The following KIF26B variants were observed in gnomAD, a reference collection of about 807,000 sequenced individuals.
KIF26B encodes the protein kinesin-like protein KIF26B.
In KIF26B, 63 loss-of-function variants were observed where a neutral mutation model predicts 151.2. That is an observed-to-expected ratio of 0.42 (90% CI 0.34 to 0.51). The LOEUF (loss-of-function observed/expected upper bound fraction) is 0.51. Ranked by LOEUF, KIF26B falls within the 20% of genes least tolerant of loss-of-function variation. The pLI, the probability that KIF26B is intolerant of heterozygous loss-of-function variation, is 0.07. For missense variants in KIF26B, 2,813 were observed against 2,913.6 expected (o/e 0.97, Z 0.79); for synonymous variants, 1,357 against 1,262.1 (o/e 1.08, Z -1.59).
intron 2 of KIF26B, among the ~76,000 whole-genome samples, chr1:245,207,732 G>C (rs978130715): frequency 6.6e-6 from 1 of 152,238 alleles, no homozygotes. Context: ...TAAGTTGGTA[G>C]TTTCCACTTT....
intron 9 of KIF26B, among the ~76,000 whole-genome samples, chr1:245,632,947 A>G (rs1367658288): frequency 6.6e-6 from 1 of 152,146 alleles, no homozygotes; most frequent in Admixed American, 6.5e-5. Context: ...TGGAGGCCTC[A>G]ACTATTACTG....
chr1:245,205,848 A>ACACCCC (rs71715356), intron 2 of KIF26B, among the ~76,000 whole-genome samples: 1 of 66,130 alleles, frequency 1.5e-5, no homozygotes, highest in Non-Finnish European at 3.2e-5. Flanking sequence ...ACCCCCACCC[A>ACACCCC]CACCCCCACC....
chr1:245,218,730 G>C lies in KIF26B; in HGVS notation c.465+62047G>C, dbSNP rs139377554. Among the ~76,000 whole-genome samples the C allele has an allele frequency of 1.2e-3, 178 of 152,230 alleles. No individual in the cohort carries two copies. The highest frequency in any genetic ancestry group is 4.1e-3 in the African/African-American group (172 of 41,512). The stretch of plus-strand genomic sequence containing the variant: ...AGAATTTTAATAAGCAAATATACAT[G>C]GTACCTTGCCGTAGGGGGGCTTTAT... On this transcript the variant is annotated intron_variant, in intron 2 of 14. Coordinates refer to ENST00000407071, the MANE Select transcript of KIF26B (RefSeq NM_018012.4). The surrounding 1 kb of genome is among the most constrained non-coding windows in gnomAD (Gnocchi z 4.1).
chr1:245,202,132 A>G (rs1237245627), intron 2 of KIF26B, among the ~76,000 whole-genome samples: 2 of 152,192 alleles, frequency 1.3e-5, no homozygotes, highest in African/African-American at 4.8e-5. Context: ...TCTCCCTGCA[A>G]GCCCTTTCAT....
intron 10 of KIF26B, among the ~76,000 whole-genome samples, chr1:245,678,937 G>A (rs2147947337): frequency 6.6e-6 from 1 of 152,182 alleles, no homozygotes; most frequent in East Asian, 1.9e-4. Context: ...GCGTATGGCT[G>A]GCTGTGTGCC....
chr1:245,593,536 G>A (rs2043311133), intron 5 of KIF26B, among the ~76,000 whole-genome samples: 2 of 152,324 alleles, frequency 1.3e-5, no homozygotes, highest in African/African-American at 4.8e-5. Context: ...ATTCCATGGT[G>A]TATATGTGCC....
Position 245,211,209 on chromosome 1 carries a change from C to G in KIF26B, c.465+54526C>G, listed in dbSNP as rs528588200. On this transcript the variant is annotated intron_variant, in intron 2 of 14. Coordinates refer to ENST00000407071, the MANE Select transcript of KIF26B (RefSeq NM_018012.4). The stretch of plus-strand genomic sequence containing the variant: ...CTGGGTGTGGGACGGGAGCAGTCAC[C>G]GCAAGATCCCCAGACATGTGTCTGA... 6.3e-4 allele frequency among the ~76,000 whole-genome samples: 96 copies of G among 152,206 alleles called. No homozygotes were observed. The South Asian group carries it at 6.4e-3, about 10-fold the overall frequency.
At position 245,686,248 on chromosome 1, in the gene KIF26B, T is replaced by C. The variant is rs781393312; in HGVS notation, c.3265T>C (p.Cys1089Arg). Residue 1089 changes from cysteine (C) to arginine (R), a missense_variant, in exon 12 of 15, where the codon TGC becomes CGC. Coordinates refer to ENST00000407071, the MANE Select transcript of KIF26B (RefSeq NM_018012.4). This position sits in a 1 kb window ranked among gnomAD's most constrained non-coding sequence, Gnocchi z 5.6. ...YKPPSSPSQR[C>R]KVYTQKGVLP... ...GCCACCCAGCTCTCCTTCCCAGAGA[T>C]GCAAAGTCTACACCCAGAAGGGGGT... The C allele has an allele frequency of 4.3e-6, 7 of 1,612,578 alleles. No homozygotes were observed. The highest frequency in any genetic ancestry group is 1.3e-5 in the African/African-American group (1 of 74,916).
In KIF26B at chr1:245,489,000, C is replaced by T. The variant is rs1039736187; in HGVS notation, c.1167-51767C>T. Among the ~76,000 whole-genome samples, 3 of 152,176 alleles carry T rather than the reference C, an allele frequency of 2.0e-5. No individual in the cohort carries two copies. Among genetic ancestry groups the T allele is most frequent in the Non-Finnish European group, 4.4e-5 (3 of 68,038 alleles). ...CCATCTCAGAGAACTCTCTAGGCTC[C>T]GGTACTCTAGAATCCCTTACAGTGG... is the stretch of plus-strand genomic sequence containing the variant. On this transcript the variant is annotated intron_variant, in intron 4 of 14. Transcript: ENST00000407071. The surrounding 1 kb of genome is among the most constrained non-coding windows in gnomAD (Gnocchi z 4.6).
chr1:245,653,896 CA>C (rs11362324), intron 10 of KIF26B, among the ~76,000 whole-genome samples: 89,636 of 151,634 alleles, frequency 0.59, 26,684 homozygotes, highest in Middle Eastern at 0.64. Flanking sequence ...CTCGTCTCCA[CA>C]AAAAAAAATT....
chr1:245,486,287 G>A (rs1309386569), intron 4 of KIF26B, among the ~76,000 whole-genome samples: 3 of 152,132 alleles, frequency 2.0e-5, no homozygotes, highest in Admixed American at 6.5e-5. Flanking sequence ...TACGAGGGTC[G>A]TATTTGGAGC....
At chr1:245,162,842 ATTGTTAAAAAGATGTT>A (rs1447834661) in intron 2 of KIF26B, among the ~76,000 whole-genome samples, 1 of 152,178 alleles carries the variant, frequency 6.6e-6, no homozygotes, top group Non-Finnish European at 1.5e-5. Context: ...GAAATGAGTG[ATTGTTAAAAAGATGTT>A]TGTCCACCTC....
rs56893913 is a variant in KIF26B at position 245,652,102 on chromosome 1, C to CTGTGTGTG, written c.2258+5859_2258+5866dup. 6.2e-3 allele frequency among the ~76,000 whole-genome samples: 845 copies of CTGTGTGTG among 136,424 alleles called. 3 individuals carry two copies. The highest frequency in any genetic ancestry group is 0.017 in the South Asian group (69 of 4,106). 89.5% of individuals were successfully genotyped at this position (136,424 alleles called of 152,430 possible). On this transcript the variant is annotated intron_variant, in intron 10 of 14. Transcript: ENST00000407071. ...GAAACGGAGAGGTTCATGTAAGAATCTGTGTGTGTGTGTGTGTGTGTGTGT... is the reference window on the plus strand; with the variant it reads ...GAAACGGAGAGGTTCATGTAAGAATCTGTGTGTGTGTGTGTGTGTGTGTGTGTGTGTGT...
chr1:245,176,848 T>A (rs1668816910), intron 2 of KIF26B, among the ~76,000 whole-genome samples: 1 of 152,230 alleles, frequency 6.6e-6, no homozygotes, highest in African/African-American at 2.4e-5. Flanking sequence ...CTGGTACTTT[T>A]GTGAATTGGT....
At chr1:245,357,269 C>T (rs1033604048) in intron 2 of KIF26B, among the ~76,000 whole-genome samples, 1 of 152,204 alleles carries the variant, frequency 6.6e-6, no homozygotes, top group African/African-American at 2.4e-5. Context: ...TGAGAGTGGA[C>T]TCCAGGTGGG....
At chr1:245,544,078 C>G (rs563832984) in intron 5 of KIF26B, among the ~76,000 whole-genome samples, 1 of 152,156 alleles carries the variant, frequency 6.6e-6, no homozygotes, top group Non-Finnish European at 1.5e-5. Context: ...ACTGCCTGAC[C>G]TCAGCGAAGG....
At chr1:245,522,211 C>G (rs887190007) in intron 4 of KIF26B, among the ~76,000 whole-genome samples, 4 of 152,114 alleles carry the variant, frequency 2.6e-5, no homozygotes, top group Admixed American at 6.5e-5. Context: ...CTGGTAGATG[C>G]CTGGGGGCAT....
chr1:245,288,345 A>G (rs1328865570), intron 2 of KIF26B, among the ~76,000 whole-genome samples: 1 of 152,222 alleles, frequency 6.6e-6, no homozygotes, highest in African/African-American at 2.4e-5. Flanking sequence ...CTTAGCAACC[A>G]ACAGAAGACA....
intron 4 of KIF26B, among the ~76,000 whole-genome samples, chr1:245,440,607 G>T (rs891599995): frequency 3.9e-5 from 6 of 152,172 alleles, no homozygotes; most frequent in African/African-American, 1.4e-4. Context: ...TCCATAGAGG[G>T]TCACAGCCTG....
Sources: allele counts gnomAD v4.1 joint callset (sites outside exome capture counted in the v4.1 genomes callset), GRCh38; gene constraint gnomAD v4.1.1; non-coding constraint Gnocchi (gnomAD v3.1); transcripts MANE v1.5; gene names NCBI Gene and HGNC (gene_info 2026-07-23, HGNC 2026-07-21).